Variants in PNPLA7 observed in about 807,000 individuals in gnomAD.
The protein encoded by PNPLA7 is patatin like domain 7, lysophospholipase, also known as patatin-like phospholipase domain-containing protein 7.
In PNPLA7, 153 loss-of-function variants were observed where a neutral mutation model predicts 161.7. The ratio of observed to expected loss-of-function variants is 0.95; its 90% CI spans 0.83 to 1.08. The LOEUF is 1.08. Among genes scored for constraint, PNPLA7 ranks in the 50% least tolerant of loss-of-function variants. The pLI is 0.00. For missense variants in PNPLA7, 1,739 were observed against 1,856.6 expected (o/e 0.94, Z 1.16); for synonymous variants, 809 against 782.1 (o/e 1.03, Z -0.57).
At chr9:137,461,065 C>A (rs1005561257) in intron 33 of PNPLA7, 1 of 372,850 alleles carries the variant, frequency 2.7e-6, no homozygotes, top group Non-Finnish European at 5.0e-6. Context: ...TTGCCCAGGG[C>A]CCTCTCGGCC....
intron 8 of PNPLA7, among the ~76,000 whole-genome samples, chr9:137,530,808 G>C (rs1835545154): frequency 6.6e-6 from 1 of 151,472 alleles, no homozygotes; most frequent in Non-Finnish European, 1.5e-5. Context: ...CACCTGTGTA[G>C]ACCAGGCTCA....
chr9:137,546,877 G>T lies in PNPLA7; in HGVS notation c.226C>A (p.Arg76=), dbSNP rs749124903. The change falls in exon 4 of 35, where the codon CGG becomes AGG. Residue 76 remains arginine (R), a synonymous_variant. Transcript: ENST00000406427. ...QAQPTPQYRF[R]KRDKVMFYGR... Reference sequence around the variant, plus strand: ...TAAAACATCACTTTGTCTCTCTTCCGGAACCGGTACTGAGGAGTGGGCTGT... The same window carrying T: ...TAAAACATCACTTTGTCTCTCTTCCTGAACCGGTACTGAGGAGTGGGCTGT... 6.2e-7 allele frequency: 1 copy of T among 1,613,902 alleles called. No homozygotes were observed.
Position 137,462,025 on chromosome 9 carries a change from T to C in PNPLA7, c.3662A>G (p.His1221Arg). The change falls in exon 32 of 35, where the codon CAC (histidine) becomes CGC (arginine). Residue 1221 changes from histidine (H) to arginine (R), a missense_variant. By Grantham distance (29) the His-to-Arg change is conservative (BLOSUM62 0). This residue lies in a region of PNPLA7 where 703 missense variants were observed against 694.6 expected (regional missense o/e 1.01). Transcript: ENST00000406427. ...FNEICEVGYQ[H>R]GRTVFDIWGR... ...CCAGATGTCAAACACCGTGCGCCCGTGCTGGTAGCCCACTTCCTGTGCACA... is the reference window on the plus strand; with the variant it reads ...CCAGATGTCAAACACCGTGCGCCCGCGCTGGTAGCCCACTTCCTGTGCACA... 8 of 1,598,708 alleles carry C rather than the reference T, an allele frequency of 5.0e-6. No individual in the cohort carries two copies. The highest frequency in any genetic ancestry group is 6.8e-6 in the Non-Finnish European group (8 of 1,173,908).
At chr9:137,522,597 A>T in intron 9 of PNPLA7, 132 bp downstream of exon 9, 1 of 1,003,812 alleles carries the variant, frequency 1.0e-6, no homozygotes, top group Non-Finnish European at 1.5e-6. Flanking sequence ...CTCTGAAATC[A>T]CCTTCATGGC....
intron 12 of PNPLA7, chr9:137,509,947 G>A (rs1025541747): frequency 5.4e-5 from 18 of 330,890 alleles, no homozygotes; most frequent in Admixed American, 4.5e-4. Context: ...AATAATCCTC[G>A]CTCTACAATC....
chr9:137,494,976 G>T, intron 19 of PNPLA7, 57 bp downstream of exon 19: 1 of 1,464,368 alleles, frequency 6.8e-7, no homozygotes. Flanking sequence ...CCTGTTCCAT[G>T]CCCTCATCCA....
chr9:137,510,488 G>T (rs1437622951), intron 12 of PNPLA7, among the ~76,000 whole-genome samples: 1 of 152,178 alleles, frequency 6.6e-6, no homozygotes, highest in South Asian at 2.1e-4. Flanking sequence ...TCGGCTGCCA[G>T]GCAGGGAAGG....
chr9:137,467,292 G>A lies in PNPLA7; in HGVS notation c.3039+25C>T, dbSNP rs752339556. Reference sequence around the variant, plus strand: ...GCAAGGACCTGGGGGCTGTGCTCCGGTGAGGGTGATGGGTGCCTGCTTACC... The same window carrying A: ...GCAAGGACCTGGGGGCTGTGCTCCGATGAGGGTGATGGGTGCCTGCTTACC... On this transcript the variant is annotated intron_variant, in intron 26 of 34. Transcript: ENST00000406427. The surrounding 1 kb of genome is among the most constrained non-coding windows in gnomAD (Gnocchi z 5.1). The A allele has an allele frequency of 4.0e-5, 64 of 1,600,576 alleles. No homozygotes were observed. Among genetic ancestry groups the A allele is most frequent in the Non-Finnish European group, 5.0e-5 (59 of 1,173,212 alleles).
At position 137,500,771 on chromosome 9, in the gene PNPLA7, G is replaced by T; in HGVS notation, c.1677C>A (p.Leu559=). 6.2e-7 allele frequency: 1 copy of T among 1,612,208 alleles called. No individual in the cohort carries two copies. The highest frequency in any genetic ancestry group is 8.5e-7 in the Non-Finnish European group (1 of 1,179,818). Reference sequence around the variant, plus strand: ...CGGTGAAGATGAGAGGCTCCCCGGTGAGCACGGCCAGCTGGCCCACCATCT... The same window carrying T: ...CGGTGAAGATGAGAGGCTCCCCGGTTAGCACGGCCAGCTGGCCCACCATCT... ...PGEMVGQLAV[L]TGEPLIFTVK... The change falls in exon 16 of 35, where the codon CTC becomes CTA. Residue 559 remains leucine, a synonymous_variant. Coordinates refer to ENST00000406427, the MANE Select transcript of PNPLA7 (RefSeq NM_001098537.3). The surrounding 1 kb of genome is among the most constrained non-coding windows in gnomAD (Gnocchi z 5.5).
chr9:137,516,465 G>C (rs981893993), intron 11 of PNPLA7: 1 of 985,128 alleles, frequency 1.0e-6, no homozygotes, highest in Non-Finnish European at 1.2e-6. Context: ...AAGTCACATG[G>C]ACCTAATCCA....
chr9:137,519,584 G>A (rs980759629), intron 11 of PNPLA7, among the ~76,000 whole-genome samples: 6 of 152,072 alleles, frequency 3.9e-5, no homozygotes, highest in African/African-American at 1.4e-4. Context: ...GGGGAGGTCT[G>A]AGGACATCCA....
Position 137,524,358 on chromosome 9 carries a change from C to T in PNPLA7, c.748-1501G>A, listed in dbSNP as rs569243612. 9.2e-4 allele frequency among the ~76,000 whole-genome samples: 139 copies of T among 151,026 alleles called. No individual in the cohort carries two copies. Among genetic ancestry groups the T allele is most frequent in the Non-Finnish European group, 1.2e-3 (84 of 67,644 alleles). On this transcript the variant is annotated intron_variant, in intron 8 of 34. Transcript: ENST00000406427. The surrounding 1 kb of genome is among the most constrained non-coding windows in gnomAD (Gnocchi z 4.4). Reference sequence around the variant, plus strand: ...AGCAGTCGAGATTCCCCCACGGTGGCGCGTCTGCCAGAGGCCTGTGCCTTG... The same window carrying T: ...AGCAGTCGAGATTCCCCCACGGTGGTGCGTCTGCCAGAGGCCTGTGCCTTG...
chr9:137,546,505 C>T (rs1193404926), intron 4 of PNPLA7, among the ~76,000 whole-genome samples: 1 of 152,220 alleles, frequency 6.6e-6, no homozygotes, highest in Non-Finnish European at 1.5e-5. Context: ...CTGGGCCCTA[C>T]AGGCCTTCCC....
rs562578199 is a variant in PNPLA7, at chr9:137,501,685, G to A, written c.1516C>T (p.Pro506Ser). 7 of 1,612,670 alleles carry A rather than the reference G, an allele frequency of 4.3e-6. No homozygotes were observed. In the African/African-American group the frequency reaches 8.0e-5, roughly 18 times the overall value. ...TGCCTTGACACCACCGTGCCTGCAG[G>A]AACGTGCAGAAGCGCCACCCGGCCA... ...LDGRVALLHV[P>S]AGTVVSRQGD... The change falls in exon 15 of 35, where the codon CCT becomes TCT. Residue 506 changes from proline (P) to serine (S), a missense_variant. Coordinates refer to ENST00000406427, the MANE Select transcript of PNPLA7 (RefSeq NM_001098537.3).
Position 137,547,424 on chromosome 9 carries a change from A to G in PNPLA7, c.106-28T>C. ...GGCCGAGAGTGGAAACACGGCGCCC[A>G]TCAGCAAAGCCACAAACCTAACCCT... On this transcript the variant is annotated intron_variant, in intron 2 of 34. Transcript: ENST00000406427. The surrounding 1 kb of genome is among the most constrained non-coding windows in gnomAD (Gnocchi z 4.6). 1 of 1,612,278 alleles carries G rather than the reference A, an allele frequency of 6.2e-7. No individual in the cohort carries two copies. The highest frequency in any genetic ancestry group is 8.5e-7 in the Non-Finnish European group (1 of 1,179,104).
chr9:137,490,004 G>A lies in PNPLA7; in HGVS notation c.2197+3009C>T, dbSNP rs999322580. Among the ~76,000 whole-genome samples the A allele has an allele frequency of 1.3e-5, 2 of 152,144 alleles. No individual in the cohort carries two copies. The highest frequency in any genetic ancestry group is 2.4e-5 in the African/African-American group (1 of 41,406). ...AGCTATAAACCTACGGGTCCAAGAC[G>A]AAGAAACCCCAAACAGGACAGATCC... On this transcript the variant is annotated intron_variant, in intron 20 of 34. Coordinates refer to ENST00000406427, the MANE Select transcript of PNPLA7 (RefSeq NM_001098537.3). The surrounding 1 kb of genome is among the most constrained non-coding windows in gnomAD (Gnocchi z 4.1).
intron 20 of PNPLA7, 29 bp downstream of exon 20, chr9:137,492,984 G>A: frequency 6.2e-7 from 1 of 1,605,434 alleles, no homozygotes; most frequent in South Asian, 1.1e-5. Context: ...GGGCTCCCAG[G>A]AGGCTCTGGG....
chr9:137,512,974 A>C (rs1834317799), intron 12 of PNPLA7, among the ~76,000 whole-genome samples: 1 of 151,932 alleles, frequency 6.6e-6, no homozygotes, highest in African/African-American at 2.4e-5. Flanking sequence ...AAAAAAAAAA[A>C]AAAGCTGTTA....
At chr9:137,505,589 C>A (rs1205132314) in intron 14 of PNPLA7, 25 bp downstream of exon 14, 3 of 1,612,376 alleles carry the variant, frequency 1.9e-6, no homozygotes, top group Admixed American at 3.3e-5. Context: ...GGGACAAGGG[C>A]CAGGTGCCCG....
Sources: gnomAD v4.1 joint callset for allele counts (sites outside exome capture counted in the v4.1 genomes callset) on GRCh38, gnomAD v4.1.1 for gene constraint, gnomAD v4.1.1 regional missense constraint, Gnocchi (gnomAD v3.1) non-coding constraint, MANE v1.5 for transcripts, NCBI Gene and HGNC (gene_info 2026-07-23, HGNC 2026-07-21) for gene names.